GRID2: variants seen among roughly 807,000 people sequenced by gnomAD.
The protein encoded by GRID2 is glutamate ionotropic receptor delta type subunit 2, also known as glutamate receptor ionotropic, delta-2.
A neutral mutation model predicts 114.8 loss-of-function variants in GRID2; 33 were observed. That is an observed-to-expected ratio of 0.29 (90% confidence interval 0.22 to 0.38). The LOEUF is 0.38. Ranked by LOEUF, GRID2 falls within the 10% of genes least tolerant of loss-of-function variation. The probability of loss-of-function intolerance (pLI) is 1.00; values close to 1 mark genes in which losing one functional copy is unlikely to be tolerated. For missense variants in GRID2, 1,184 were observed against 1,257.7 expected (o/e 0.94, Z 0.89); for synonymous variants, 505 against 449.9 (o/e 1.12, Z -1.55).
At chr4:92,538,970 A>T (rs1468480713) in intron 1 of GRID2, among the ~76,000 whole-genome samples, 3 of 150,618 alleles carry the variant, frequency 2.0e-5, no homozygotes, top group Non-Finnish European at 4.4e-5. Flanking sequence ...TGAGCCTGGG[A>T]GGCGCAGCTT....
intron 12 of GRID2, among the ~76,000 whole-genome samples, chr4:93,501,959 C>T (rs7655333): frequency 0.84 from 126,925 of 151,998 alleles, 53,601 homozygotes; most frequent in African/African-American, 0.96. Flanking sequence ...GTTACTTCCT[C>T]CCCTTACTGA....
At position 93,571,351 on chromosome 4, in the gene GRID2, T is replaced by C. The variant is rs187545973; in HGVS notation, c.2194-54918T>C. On this transcript the variant is annotated intron_variant, in intron 13 of 15. Coordinates refer to ENST00000282020, the MANE Select transcript of GRID2 (RefSeq NM_001510.4). The stretch of plus-strand genomic sequence containing the variant: ...ATGTGGAAGAAATGCATATAATGTA[T>C]ATAGTATATATAATTGTGCATATTA... Among the ~76,000 whole-genome samples, 8 of 152,204 alleles carry C rather than the reference T, an allele frequency of 5.3e-5. No homozygotes were observed. In the East Asian group the frequency reaches 1.3e-3, roughly 26 times the overall value.
chr4:92,713,483 AT>A (rs1735370268), intron 2 of GRID2, among the ~76,000 whole-genome samples: 4 of 83,700 alleles, frequency 4.8e-5, no homozygotes, highest in African/African-American at 2.0e-4. Flanking sequence ...ATACATATAT[AT>A]ATATATATAT....
At chr4:92,950,687 A>G (rs1429293395) in intron 2 of GRID2, among the ~76,000 whole-genome samples, 1 of 152,210 alleles carries the variant, frequency 6.6e-6, no homozygotes, top group East Asian at 1.9e-4. Flanking sequence ...ATCATCAGCC[A>G]TGAAAATTGG....
intron 14 of GRID2, among the ~76,000 whole-genome samples, chr4:93,637,697 T>A (rs13151802): frequency 0.13 from 20,334 of 152,198 alleles, 1,761 homozygotes; most frequent in Non-Finnish European, 0.19. Context: ...GTAAATATAT[T>A]GAAAATTGAA....
intron 2 of GRID2, among the ~76,000 whole-genome samples, chr4:92,712,070 G>A (rs917330610): frequency 6.6e-6 from 1 of 152,066 alleles, no homozygotes; most frequent in South Asian, 2.1e-4. Flanking sequence ...CATGACGGCC[G>A]TATTAGAATT....
At chr4:92,643,249 A>C (rs1398429269) in intron 2 of GRID2, among the ~76,000 whole-genome samples, 1 of 151,654 alleles carries the variant, frequency 6.6e-6, no homozygotes, top group South Asian at 2.1e-4. Context: ...ATGTTTTTCC[A>C]TGTATTTTTG....
intron 2 of GRID2, among the ~76,000 whole-genome samples, chr4:93,078,352 G>T (rs926608914): frequency 6.6e-6 from 1 of 151,830 alleles, no homozygotes; most frequent in Non-Finnish European, 1.5e-5. Context: ...TTCTCTTTTG[G>T]CCTGGAACCT....
intron 8 of GRID2, among the ~76,000 whole-genome samples, chr4:93,361,660 A>G (rs1242210106): frequency 3.9e-5 from 6 of 151,958 alleles, no homozygotes. Context: ...TTATATCTGC[A>G]TCTAGTTCAG....
intron 8 of GRID2, among the ~76,000 whole-genome samples, chr4:93,332,287 TGTGTGTGTGTGTGAGA>T (rs751495947): frequency 2.3e-3 from 274 of 119,408 alleles, no homozygotes; most frequent in African/African-American, 0.01. Flanking sequence ...TGTGTGTGTG[TGTGTGTGTGTGTGAGA>T]GAGAGAGAGA....
At chr4:93,552,722 T>G (rs1733889333) in intron 13 of GRID2, among the ~76,000 whole-genome samples, 1 of 152,160 alleles carries the variant, frequency 6.6e-6, no homozygotes. Flanking sequence ...CCATGTTGGT[T>G]TGCGGCACCC....
chr4:92,873,542 A>G (rs1048463917), intron 2 of GRID2, among the ~76,000 whole-genome samples: 7 of 152,216 alleles, frequency 4.6e-5, no homozygotes, highest in Admixed American at 4.6e-4. Flanking sequence ...CTAGGTTTAC[A>G]TTAGATAAAT....
intron 13 of GRID2, among the ~76,000 whole-genome samples, chr4:93,556,923 G>T (rs1161806426): frequency 6.6e-6 from 1 of 152,308 alleles, no homozygotes; most frequent in Middle Eastern, 3.4e-3. Context: ...CCAGAAGAGA[G>T]TGGGGGCCAA....
intron 2 of GRID2, among the ~76,000 whole-genome samples, chr4:92,800,146 G>T (rs889634059): frequency 6.7e-6 from 1 of 149,926 alleles, no homozygotes; most frequent in South Asian, 2.1e-4. Flanking sequence ...AAAATAATCA[G>T]CAATTTATTT....
intron 9 of GRID2, among the ~76,000 whole-genome samples, chr4:93,399,938 T>C (rs1375225992): frequency 6.6e-6 from 1 of 152,142 alleles, no homozygotes; most frequent in African/African-American, 2.4e-5. Flanking sequence ...TGATAGGACC[T>C]ATTATAAGAA....
chr4:93,735,358 A>G (rs967740974), intron 14 of GRID2, among the ~76,000 whole-genome samples: 1 of 152,096 alleles, frequency 6.6e-6, no homozygotes, highest in African/African-American at 2.4e-5. Context: ...TCTGTACTGT[A>G]TACAACCTAA....
At chr4:92,475,216 T>C (rs1485497864) in intron 1 of GRID2, among the ~76,000 whole-genome samples, 3 of 151,592 alleles carry the variant, frequency 2.0e-5, no homozygotes, top group African/African-American at 7.3e-5. Context: ...TTGCCTGTGT[T>C]TTTGGAGTCA....
intron 2 of GRID2, among the ~76,000 whole-genome samples, chr4:92,919,394 A>C (rs1175589217): frequency 1.3e-5 from 2 of 151,976 alleles, no homozygotes; most frequent in East Asian, 1.9e-4. Flanking sequence ...CCTTCTGCTA[A>C]CTTTTGAATG....
chr4:92,588,411 T>G (rs1259466097), intron 1 of GRID2, among the ~76,000 whole-genome samples: 4 of 151,762 alleles, frequency 2.6e-5, no homozygotes, highest in African/African-American at 9.7e-5. Context: ...GCGCGGTGGC[T>G]CACGCCTGTA....
Sources: allele counts gnomAD v4.1 joint callset (sites outside exome capture counted in the v4.1 genomes callset), GRCh38; gene constraint gnomAD v4.1.1; transcripts MANE v1.5; gene names NCBI Gene and HGNC (gene_info 2026-07-23, HGNC 2026-07-21).